The following SUPT3H variants were observed in gnomAD, a reference collection of about 807,000 sequenced individuals.
The protein encoded by SUPT3H is SPT3 homolog, SAGA and STAGA complex component.
SUPT3H carries 44 observed loss-of-function variants against 44.3 expected under a neutral mutation model. The ratio of observed to expected loss-of-function variants is 0.99; its 90% CI spans 0.78 to 1.28. The LOEUF (loss-of-function observed/expected upper bound fraction) is 1.28, where lower values mean the gene tolerates loss of function less well. Ranked by LOEUF, SUPT3H falls within the 50% of genes most tolerant of loss-of-function variation. The probability of loss-of-function intolerance (pLI) is 0.00; values close to 1 mark genes in which losing one functional copy is unlikely to be tolerated. For synonymous variants in SUPT3H, 124 were observed against 125.6 expected, an observed-to-expected ratio of 0.99 and a Z score of 0.09; for missense variants, 380 against 387.1, an observed-to-expected ratio of 0.98 and a Z score of 0.15.
chr6:44,983,249 T>C (rs917541052), intron 6 of SUPT3H, among the ~76,000 whole-genome samples: 22 of 152,306 alleles, frequency 1.4e-4, no homozygotes, highest in Middle Eastern at 3.4e-3. Context: ...TATTAGTCTA[T>C]ACAGGGTGAC....
chr6:45,241,347 G>A (rs1253518274), intron 2 of SUPT3H, among the ~76,000 whole-genome samples: 3 of 152,064 alleles, frequency 2.0e-5, no homozygotes, highest in Non-Finnish European at 2.9e-5. Context: ...GGAATACCTG[G>A]CCCACCCAGG....
chr6:45,330,624 A>G (rs1055368137), intron 2 of SUPT3H, among the ~76,000 whole-genome samples: 3 of 152,046 alleles, frequency 2.0e-5, no homozygotes, highest in African/African-American at 4.8e-5. Context: ...TTCTTATTCT[A>G]TCATAACAGG....
intron 3 of SUPT3H, among the ~76,000 whole-genome samples, chr6:45,026,017 T>C (rs1199539988): frequency 6.6e-6 from 1 of 152,234 alleles, no homozygotes; most frequent in Non-Finnish European, 1.5e-5. Flanking sequence ...GATTTGTCCT[T>C]TTTGAAGATA....
intron 2 of SUPT3H, among the ~76,000 whole-genome samples, chr6:45,239,618 G>C (rs996626500): frequency 5.3e-5 from 8 of 152,104 alleles, no homozygotes; most frequent in African/African-American, 1.9e-4. Context: ...TCTCACTTTG[G>C]GCTACATGCC....
At chr6:45,018,061 T>C (rs1250467520) in intron 4 of SUPT3H, among the ~76,000 whole-genome samples, 17 of 152,152 alleles carry the variant, frequency 1.1e-4, no homozygotes, top group East Asian at 3.9e-4. Context: ...AGGTCCTTCA[T>C]GTCCCTTGTA....
intron 3 of SUPT3H, among the ~76,000 whole-genome samples, chr6:45,068,389 A>T (rs1231284573): frequency 2.0e-5 from 3 of 147,868 alleles, no homozygotes; most frequent in African/African-American, 7.5e-5. Context: ...GGTGCAGCAC[A>T]CCAGCATGGC....
chr6:45,036,265 G>C lies in SUPT3H; in HGVS notation c.187-15633C>G, dbSNP rs1186623907. Among the ~76,000 whole-genome samples the C allele has an allele frequency of 5.9e-5, 9 of 152,060 alleles. No individual in the cohort carries two copies. The East Asian group carries it at 1.7e-3, about 29-fold the overall frequency. On this transcript the variant is annotated intron_variant, in intron 3 of 10. Coordinates refer to ENST00000371459, the MANE Select transcript of SUPT3H (RefSeq NM_003599.4). Reference sequence around the variant, plus strand: ...GGATTACTTTATACAGGGTAATCAGGGCAGTACTCACGAACACCCCATGCA... The same window carrying C: ...GGATTACTTTATACAGGGTAATCAGCGCAGTACTCACGAACACCCCATGCA...
intron 10 of SUPT3H, among the ~76,000 whole-genome samples, chr6:44,866,342 G>A (rs1022047895): frequency 1.3e-5 from 2 of 151,880 alleles, no homozygotes; most frequent in Non-Finnish European, 1.5e-5. Flanking sequence ...AAGCAAACCC[G>A]GCTTAGCAGT....
chr6:45,092,430 T>C (rs1352946844), intron 3 of SUPT3H, among the ~76,000 whole-genome samples: 1 of 152,176 alleles, frequency 6.6e-6, no homozygotes, highest in Non-Finnish European at 1.5e-5. Flanking sequence ...ATTTATTTAA[T>C]AGACTTTCTC....
chr6:45,173,121 A>C (rs1467753460), intron 2 of SUPT3H, among the ~76,000 whole-genome samples: 1 of 152,208 alleles, frequency 6.6e-6, no homozygotes, highest in Non-Finnish European at 1.5e-5. Flanking sequence ...CTCTACTGGT[A>C]AATTCTTGGT....
At chr6:45,351,216 A>C (rs1478677508) in intron 2 of SUPT3H, among the ~76,000 whole-genome samples, 1 of 152,216 alleles carries the variant, frequency 6.6e-6, no homozygotes, top group East Asian at 1.9e-4. Context: ...TTATGCTCTA[A>C]ATTAGTGAAA....
chr6:45,271,356 C>T (rs1324070634), intron 2 of SUPT3H, among the ~76,000 whole-genome samples: 1 of 152,170 alleles, frequency 6.6e-6, no homozygotes, highest in Non-Finnish European at 1.5e-5. Flanking sequence ...GGCCCAGGGT[C>T]CCCGCGGTGT....
chr6:44,841,639 C>G (rs188579849), intron 10 of SUPT3H, among the ~76,000 whole-genome samples: 1 of 152,156 alleles, frequency 6.6e-6, no homozygotes, highest in African/African-American at 2.4e-5. Flanking sequence ...TTATTAATCA[C>G]GATGGTATCT....
chr6:45,023,314 C>G (rs1478644275), intron 3 of SUPT3H, among the ~76,000 whole-genome samples: 2 of 151,188 alleles, frequency 1.3e-5, no homozygotes, highest in African/African-American at 4.9e-5. Flanking sequence ...AAAGGGAACA[C>G]TTATACACTG....
At chr6:45,289,751 G>A (rs1779996591) in intron 2 of SUPT3H, among the ~76,000 whole-genome samples, 1 of 152,160 alleles carries the variant, frequency 6.6e-6, no homozygotes. Context: ...TATGCTATAA[G>A]TTTCACAGGT....
At chr6:45,236,561 A>C (rs1769192984) in intron 2 of SUPT3H, among the ~76,000 whole-genome samples, 1 of 152,036 alleles carries the variant, frequency 6.6e-6, no homozygotes, top group African/African-American at 2.4e-5. Context: ...ATTTTGAAGA[A>C]AAAGAGTGGC....
At chr6:45,192,725 A>C (rs962626341) in intron 2 of SUPT3H, among the ~76,000 whole-genome samples, 3 of 152,172 alleles carry the variant, frequency 2.0e-5, no homozygotes, top group African/African-American at 7.2e-5. Context: ...CTGAGAATAA[A>C]AGGCACAGAG....
chr6:45,192,633 T>G (rs1249426705), intron 2 of SUPT3H, among the ~76,000 whole-genome samples: 1 of 152,114 alleles, frequency 6.6e-6, no homozygotes, highest in African/African-American at 2.4e-5. Context: ...AAGAACAACT[T>G]TGCACACTTT....
At chr6:45,130,229 C>CT (rs1336212947) in intron 2 of SUPT3H, among the ~76,000 whole-genome samples, 4 of 152,198 alleles carry the variant, frequency 2.6e-5, no homozygotes, top group African/African-American at 9.7e-5. Context: ...CTTTCTGTCT[C>CT]TATGAATTTG....
Sources: allele counts gnomAD v4.1 joint callset (sites outside exome capture counted in the v4.1 genomes callset), GRCh38; gene constraint gnomAD v4.1.1; transcripts MANE v1.5; gene names NCBI Gene and HGNC (gene_info 2026-07-23, HGNC 2026-07-21).